The following HSF2BP variants were observed in gnomAD, a reference collection of about 807,000 sequenced individuals.
HSF2BP encodes the protein heat shock transcription factor 2 binding protein, also known as heat shock factor 2-binding protein.
Under a neutral mutation model 35.0 loss-of-function variants are expected in HSF2BP, and 35 were observed. The observed-to-expected ratio is 1.00, with a 90% confidence interval of 0.76 to 1.32. The LOEUF (loss-of-function observed/expected upper bound fraction) is 1.32, where lower values mean the gene tolerates loss of function less well. Among genes scored for constraint, HSF2BP ranks in the 40% most tolerant of loss-of-function variants. The pLI is 0.00. For synonymous variants in HSF2BP, 114 were observed against 117.4 expected, an observed-to-expected ratio of 0.97 and a Z score of 0.18; for missense variants, 326 against 321.7, an observed-to-expected ratio of 1.01 and a Z score of -0.10.
At chr21:43,445,500 TG>T in the HSF2BP span, among the ~76,000 whole-genome samples, 1 of 85,464 alleles carries the variant, frequency 1.2e-5, no homozygotes, top group African/African-American at 3.8e-5. Context: ...AGGGAGATGA[TG>T]GGAAGTGACA....
intron 7 of HSF2BP, among the ~76,000 whole-genome samples, chr21:43,602,997 A>C (rs1158118396): frequency 6.6e-6 from 1 of 152,218 alleles, no homozygotes; most frequent in East Asian, 1.9e-4. Flanking sequence ...GGCCTACTCA[A>C]GGACTGGTAA....
At chr21:43,611,016 C>T (rs180675671) in intron 7 of HSF2BP, among the ~76,000 whole-genome samples, 124 of 152,138 alleles carry the variant, frequency 8.2e-4, no homozygotes, top group African/African-American at 2.9e-3. Flanking sequence ...TAAAATTATA[C>T]CCCCAAACAA....
rs2147082791 is a variant in HSF2BP, at chr21:43,644,404, A to C, written c.188-12T>G. 6.3e-7 allele frequency: 1 copy of C among 1,596,822 alleles called. No homozygotes were observed. The highest frequency in any genetic ancestry group is 1.7e-4 in the Middle Eastern group (1 of 6,034). ...TTTCCTTTCCAGGTCTAGGAGAAAG[A>C]CATAAAATTACTCAAGATATTTCAA... On this transcript the variant is annotated splice_polypyrimidine_tract_variant and intron_variant, in intron 3 of 8. Transcript: ENST00000291560.
At chr21:43,636,046 C>T (rs996395921) in intron 4 of HSF2BP, among the ~76,000 whole-genome samples, 1 of 97,906 alleles carries the variant, frequency 1.0e-5, no homozygotes, top group Non-Finnish European at 2.1e-5. Context: ...CCCATCTCTA[C>T]AAAAAAAAAA....
chr21:43,627,463 C>T (rs777772139), intron 6 of HSF2BP, among the ~76,000 whole-genome samples: 3 of 152,186 alleles, frequency 2.0e-5, no homozygotes, highest in African/African-American at 4.8e-5. Flanking sequence ...TACATAACTA[C>T]ACAGAACATG....
intron 7 of HSF2BP, among the ~76,000 whole-genome samples, chr21:43,611,476 G>A (rs2082203940): frequency 6.6e-6 from 1 of 152,158 alleles, no homozygotes; most frequent in African/African-American, 2.4e-5. Context: ...AGGCAGATAG[G>A]GGAAGAAGAT....
intron 6 of HSF2BP, among the ~76,000 whole-genome samples, chr21:43,622,970 C>CT (rs34892715): frequency 0.043 from 6,258 of 146,510 alleles, 439 homozygotes; most frequent in African/African-American, 0.15. Flanking sequence ...TATCAAACAG[C>CT]TTTTTTTTTT....
At chr21:43,648,965 T>A (rs1431029749) in intron 3 of HSF2BP, among the ~76,000 whole-genome samples, 1 of 152,192 alleles carries the variant, frequency 6.6e-6, no homozygotes, top group East Asian at 1.9e-4. Context: ...CAAAAACTAA[T>A]GCCAAAAAAA....
chr21:43,589,359 A>G (rs1361200363), intron 8 of HSF2BP, among the ~76,000 whole-genome samples: 1 of 152,202 alleles, frequency 6.6e-6, no homozygotes, highest in African/African-American at 2.4e-5. Context: ...TCTCGACAAT[A>G]TCTAAATAAA....
intron 7 of HSF2BP, among the ~76,000 whole-genome samples, chr21:43,595,726 A>ATTTTTT (rs770855952): frequency 0.15 from 8,585 of 58,384 alleles, 3,020 homozygotes; most frequent in Non-Finnish European, 0.19. Context: ...TAAGAGGCTA[A>ATTTTTT]TTTTTTTTTT....
At chr21:43,629,694 A>G (rs1233220445) in intron 6 of HSF2BP, among the ~76,000 whole-genome samples, 3 of 152,216 alleles carry the variant, frequency 2.0e-5, no homozygotes, top group Non-Finnish European at 4.4e-5. Flanking sequence ...GCAGAAAAAA[A>G]GGATAAGTTG....
intron 6 of HSF2BP, among the ~76,000 whole-genome samples, chr21:43,627,756 G>A (rs1223831555): frequency 4.0e-5 from 6 of 151,802 alleles, no homozygotes; most frequent in Admixed American, 3.3e-4. Flanking sequence ...GTGCTTTGCA[G>A]ATACTGTTTT....
chr21:43,638,149 A>G (rs2082589459), intron 4 of HSF2BP, among the ~76,000 whole-genome samples: 1 of 152,162 alleles, frequency 6.6e-6, no homozygotes, highest in Non-Finnish European at 1.5e-5. Context: ...AACTCCTAGA[A>G]GTCAAAAAGA....
intron 8 of HSF2BP, among the ~76,000 whole-genome samples, chr21:43,581,546 T>C (rs955447544): frequency 1.3e-5 from 2 of 152,188 alleles, no homozygotes; most frequent in Non-Finnish European, 2.9e-5. Flanking sequence ...TCAGCATTTA[T>C]GTCTTGGCTT....
chr21:43,648,574 G>C (rs181297575), intron 3 of HSF2BP, among the ~76,000 whole-genome samples: 33 of 151,948 alleles, frequency 2.2e-4, no homozygotes, highest in African/African-American at 7.5e-4. Flanking sequence ...TACTCCTTTT[G>C]TTCCCTGCCA....
rs2081936858 is a variant in HSF2BP at position 43,592,314 on chromosome 21, G to A, written c.707C>T (p.Ser236Phe). 2 of 1,611,076 alleles carry A rather than the reference G, an allele frequency of 1.2e-6. No homozygotes were observed. Among genetic ancestry groups the A allele is most frequent in the Non-Finnish European group, 1.7e-6 (2 of 1,177,364 alleles). The change falls in exon 8 of 9, where the codon TCC (serine) becomes TTC (phenylalanine). Residue 236 changes from serine to phenylalanine, a missense_variant. Physicochemically the swap from Ser to Phe is radical, Grantham distance 155. Coordinates refer to ENST00000291560, the MANE Select transcript of HSF2BP (RefSeq NM_007031.2). ...CAAATTGATGCTTACATTGTATAGGGACATCAGCATTAGCCTGAAATGTAA... is the reference window on the plus strand; with the variant it reads ...CAAATTGATGCTTACATTGTATAGGAACATCAGCATTAGCCTGAAATGTAA... ...CTKLKVLMLM[S>F]LYNVSINLKG...
intron 8 of HSF2BP, among the ~76,000 whole-genome samples, chr21:43,578,094 C>T (rs190371962): frequency 1.9e-4 from 29 of 152,310 alleles, no homozygotes; most frequent in African/African-American, 6.7e-4. Context: ...GTTTGGTGGA[C>T]TCTCTTCACA....
intron 1 of HSF2BP, among the ~76,000 whole-genome samples, chr21:43,658,813 C>T (rs956019860): frequency 6.6e-6 from 1 of 152,218 alleles, no homozygotes; most frequent in Admixed American, 6.5e-5. Context: ...AGGGGCGCAC[C>T]GATCTGCCCA....
chr21:43,603,534 C>A (rs954117402), intron 7 of HSF2BP, among the ~76,000 whole-genome samples: 1 of 152,246 alleles, frequency 6.6e-6, no homozygotes, highest in Admixed American at 6.5e-5. Context: ...TCACCCTGCA[C>A]ACAGTTCTGT....
Sources: gnomAD v4.1 joint callset for allele counts (sites outside exome capture counted in the v4.1 genomes callset) on GRCh38, gnomAD v4.1.1 for gene constraint, MANE v1.5 for transcripts, NCBI Gene and HGNC (gene_info 2026-07-23, HGNC 2026-07-21) for gene names.